GREB1L: variants seen among roughly 807,000 people sequenced by gnomAD.
The protein encoded by GREB1L is GREB1 like retinoic acid receptor coactivator.
Under a neutral mutation model 200.8 loss-of-function variants are expected in GREB1L, and 17 were observed. That is an observed-to-expected ratio of 0.08 (90% CI 0.06 to 0.13). The LOEUF is 0.13. Among genes scored for constraint, GREB1L ranks in the 10% least tolerant of loss-of-function variants. GREB1L has a pLI of 1.00. For missense variants in GREB1L, 1,657 were observed against 2,367.7 expected (o/e 0.70, Z 6.23); for synonymous variants, 789 against 893.0 (o/e 0.88, Z 2.08).
intron 2 of GREB1L, among the ~76,000 whole-genome samples, chr18:21,381,711 G>A (rs1287184560): frequency 6.6e-6 from 1 of 152,146 alleles, no homozygotes; most frequent in African/African-American, 2.4e-5. Flanking sequence ...TATCCTAGTA[G>A]TAGTTTGATG....
chr18:21,368,036 CATATA>C (rs757647491), intron 2 of GREB1L, among the ~76,000 whole-genome samples: 6 of 152,072 alleles, frequency 3.9e-5, no homozygotes, highest in Non-Finnish European at 7.4e-5. Flanking sequence ...AATCTATACA[CATATA>C]TAGAGAGAAA....
intron 21 of GREB1L, 32 bp from the exon 22 acceptor site, chr18:21,499,697 C>G: frequency 1.4e-6 from 2 of 1,459,280 alleles, no homozygotes; most frequent in Non-Finnish European, 1.9e-6. Context: ...AACAGAGCTG[C>G]TGTGGGGTGG....
At chr18:21,445,586 G>A (rs968121232) in intron 11 of GREB1L, among the ~76,000 whole-genome samples, 9 of 152,222 alleles carry the variant, frequency 5.9e-5, no homozygotes, top group Non-Finnish European at 1.2e-4. Context: ...ATACTTCAGT[G>A]TTAGGAGATA....
At chr18:21,520,985 A>G (rs968111157) in intron 32 of GREB1L, among the ~76,000 whole-genome samples, 162 bp downstream of exon 32, 13 of 152,140 alleles carry the variant, frequency 8.5e-5, no homozygotes, top group Non-Finnish European at 1.6e-4. Flanking sequence ...TCACGAGGTC[A>G]GGAGATCGAG....
intron 1 of GREB1L, among the ~76,000 whole-genome samples, chr18:21,318,875 A>G (rs1356106049): frequency 6.6e-6 from 1 of 152,216 alleles, no homozygotes; most frequent in Non-Finnish European, 1.5e-5. Context: ...GTCGCTAACC[A>G]GTCATCCTGA....
chr18:21,392,166 A>T (rs2040848503), intron 4 of GREB1L, among the ~76,000 whole-genome samples: 1 of 152,244 alleles, frequency 6.6e-6, no homozygotes, highest in Non-Finnish European at 1.5e-5. Flanking sequence ...AAGAAAGATT[A>T]TCTACAGGGT....
chr18:21,272,037 A>G (rs1205659638), intron 1 of GREB1L, among the ~76,000 whole-genome samples: 2 of 152,202 alleles, frequency 1.3e-5, no homozygotes, highest in African/African-American at 4.8e-5. Flanking sequence ...TCTGTCATTC[A>G]TTATGTTCTT....
At chr18:21,420,953 T>C (rs1476064131) in intron 7 of GREB1L, among the ~76,000 whole-genome samples, 1 of 152,052 alleles carries the variant, frequency 6.6e-6, no homozygotes, top group Non-Finnish European at 1.5e-5. Flanking sequence ...TTGATACCCA[T>C]GACAATGTGG....
chr18:21,346,420 GCTAT>G (rs896326358), intron 1 of GREB1L, among the ~76,000 whole-genome samples: 29 of 151,658 alleles, frequency 1.9e-4, no homozygotes, highest in African/African-American at 6.1e-4. Flanking sequence ...CTCATTCACG[GCTAT>G]CTTTTATCTA....
intron 6 of GREB1L, among the ~76,000 whole-genome samples, chr18:21,402,772 T>G (rs1168726144): frequency 6.6e-6 from 1 of 152,010 alleles, no homozygotes; most frequent in Non-Finnish European, 1.5e-5. Flanking sequence ...ATCTACCCAC[T>G]TTGGCCTCTC....
chr18:21,518,963 T>G (rs1036850232), intron 31 of GREB1L, among the ~76,000 whole-genome samples: 8 of 152,188 alleles, frequency 5.3e-5, no homozygotes, highest in African/African-American at 1.9e-4. Context: ...CTTCCAGGGC[T>G]TTTTCTTTGT....
At chr18:21,351,832 T>C (rs2039437461) in intron 1 of GREB1L, among the ~76,000 whole-genome samples, 1 of 151,746 alleles carries the variant, frequency 6.6e-6, no homozygotes, top group Non-Finnish European at 1.5e-5. Context: ...CAAGCTATTT[T>C]ATTTTATTTT....
intron 21 of GREB1L, 62 bp from the exon 22 acceptor site, chr18:21,499,667 C>A: frequency 8.0e-7 from 1 of 1,250,302 alleles, no homozygotes; most frequent in South Asian, 1.4e-5. Context: ...CCTTTGTCTG[C>A]TTCCACACCC....
At chr18:21,483,957 CAG>C (rs373295824) in intron 17 of GREB1L, among the ~76,000 whole-genome samples, 77 of 137,416 alleles carry the variant, frequency 5.6e-4, no homozygotes, top group African/African-American at 2.2e-3. Context: ...GCCTGGGTGA[CAG>C]AGTGAGACTC....
At chr18:21,423,945 G>A (rs1019977) in intron 7 of GREB1L, among the ~76,000 whole-genome samples, 13 of 151,970 alleles carry the variant, frequency 8.6e-5, no homozygotes, top group Non-Finnish European at 1.3e-4. Context: ...AGCATTATAC[G>A]TTCTTGCACT....
At chr18:21,497,077 C>T (rs2036574774) in intron 21 of GREB1L, among the ~76,000 whole-genome samples, 1 of 152,098 alleles carries the variant, frequency 6.6e-6, no homozygotes, top group Non-Finnish European at 1.5e-5. Context: ...TGCTAAATGG[C>T]TTAGTACCTG....
At chr18:21,498,153 CCTTCCATCA>C in intron 21 of GREB1L, among the ~76,000 whole-genome samples, 1 of 152,214 alleles carries the variant, frequency 6.6e-6, no homozygotes, top group Admixed American at 6.5e-5. Flanking sequence ...TCATTGAGAT[CCTTCCATCA>C]CTCTGACACA....
At chr18:21,253,828 CTTTTTTTTT>C (rs34861643) in intron 1 of GREB1L, among the ~76,000 whole-genome samples, 1 of 115,848 alleles carries the variant, frequency 8.6e-6, no homozygotes. Context: ...GACTTCCAGG[CTTTTTTTTT>C]TTTTTTTTTT....
At chr18:21,270,141 C>T (rs2038054612) in intron 1 of GREB1L, among the ~76,000 whole-genome samples, 1 of 151,826 alleles carries the variant, frequency 6.6e-6, no homozygotes. Flanking sequence ...TGATGAAAAC[C>T]TGTCTATGAG....
Sources: gnomAD v4.1 joint callset for allele counts (sites outside exome capture counted in the v4.1 genomes callset) on GRCh38, gnomAD v4.1.1 for gene constraint, MANE v1.5 for transcripts, NCBI Gene and HGNC (gene_info 2026-07-23, HGNC 2026-07-21) for gene names.